CCDC3: variants seen among roughly 807,000 people sequenced by gnomAD.
CCDC3 encodes coiled-coil domain containing 3.
CCDC3 carries 24 observed loss-of-function variants against 21.4 expected under a neutral mutation model. That is an observed-to-expected ratio of 1.12 (90% confidence interval 0.81 to 1.58). CCDC3 has a LOEUF of 1.58. Among genes scored for constraint, CCDC3 ranks in the 40% most tolerant of loss-of-function variants. CCDC3 has a pLI of 0.00. For synonymous variants in CCDC3, 186 were observed against 166.0 expected (o/e 1.12, Z -0.93); for missense variants, 425 against 360.9 (o/e 1.18, Z -1.44).
At chr10:13,018,980 T>A (rs931188540) in intron 5 of CCDC3, among the ~76,000 whole-genome samples, 1 of 151,816 alleles carries the variant, frequency 6.6e-6, no homozygotes, top group African/African-American at 2.4e-5. Context: ...ACGCCTGTAA[T>A]CCCAGCACTT....
intron 2 of CCDC3, among the ~76,000 whole-genome samples, chr10:12,915,680 G>A (rs1757079): frequency 0.08 from 12,148 of 152,260 alleles, 612 homozygotes; most frequent in African/African-American, 0.12. Flanking sequence ...GGTCATGGGT[G>A]GGTTTGCTAC....
At position 13,001,274 on chromosome 10, in the gene CCDC3, G is replaced by A; in HGVS notation, c.297C>T (p.Leu99=). ...AGAAGTAGCCCAGGCCGGTGAGGTT[G>A]AGCCTGGAGCCGGCGGGCACCTCCA... ...SMLEVPAGSR[L]NLTGLGYFSC... Residue 99 remains leucine (L), a synonymous_variant, in exon 1 of 3, where the codon CTC becomes CTT. Transcript: ENST00000378825. The A allele has an allele frequency of 6.2e-7, 1 of 1,602,420 alleles. No individual in the cohort carries two copies. Among genetic ancestry groups the A allele is most frequent in the East Asian group, 2.3e-5 (1 of 44,400 alleles).
At chr10:13,007,632 T>C (rs746121214) in intron 5 of CCDC3, among the ~76,000 whole-genome samples, 11 of 152,128 alleles carry the variant, frequency 7.2e-5, no homozygotes, top group Non-Finnish European at 1.6e-4. Context: ...TACAATTGCC[T>C]TATAAAAGAC....
chr10:12,936,527 A>G (rs1367950471), intron 2 of CCDC3, among the ~76,000 whole-genome samples: 3 of 152,048 alleles, frequency 2.0e-5, no homozygotes, highest in Admixed American at 1.3e-4. Context: ...GTGCCCGGCC[A>G]CTTTCAATAT....
intron 5 of CCDC3, among the ~76,000 whole-genome samples, chr10:13,029,772 G>C (rs542416703): frequency 1.3e-5 from 2 of 152,108 alleles, no homozygotes; most frequent in East Asian, 3.9e-4. Context: ...CAAACGAAGC[G>C]AGAAGAGAAG....
At chr10:12,980,018 T>C (rs767134629) in intron 2 of CCDC3, among the ~76,000 whole-genome samples, 1 of 152,194 alleles carries the variant, frequency 6.6e-6, no homozygotes, top group African/African-American at 2.4e-5. Context: ...GTTGTAGCTA[T>C]GGGTATGTCC....
Position 13,020,480 on chromosome 10 carries a change from C to T in CCDC3, c.-1-21968G>A, listed in dbSNP as rs1281699019. 2.0e-5 allele frequency among the ~76,000 whole-genome samples: 3 copies of T among 152,160 alleles called. No individual in the cohort carries two copies. In the East Asian group the frequency reaches 5.8e-4, roughly 29 times the overall value. Reference sequence around the variant, plus strand: ...TTAAACATCGTTATAAGGGAATAAGCTTATTTTTTCTTTCATGCTCTAATG... The same window carrying T: ...TTAAACATCGTTATAAGGGAATAAGTTTATTTTTTCTTTCATGCTCTAATG... On this transcript the variant is annotated intron_variant, in intron 5 of 6. Coordinates refer to the CCDC3 transcript ENST00000378839.
chr10:12,968,293 G>A (rs1264279778), intron 2 of CCDC3, among the ~76,000 whole-genome samples: 2 of 151,712 alleles, frequency 1.3e-5, no homozygotes, highest in Middle Eastern at 3.2e-3. Context: ...AAGGCTAGTG[G>A]CAGATTTCTC....
At chr10:12,907,572 A>G (rs1240561827) in intron 2 of CCDC3, among the ~76,000 whole-genome samples, 2 of 152,170 alleles carry the variant, frequency 1.3e-5, no homozygotes, top group Admixed American at 1.3e-4. Flanking sequence ...TTGACCCGAG[A>G]GGAGGAGTTG....
Position 12,971,331 on chromosome 10 carries a change from AC to A in CCDC3, c.549+27006del, listed in dbSNP as rs1213626347. ...TCTATCCTTTCGGAAAGGAATGAGG[AC>A]ATTTGCTTGCCTTAACAGGTCCTGC... On this transcript the variant is annotated intron_variant, in intron 2 of 2. Coordinates refer to ENST00000378825, the MANE Select transcript of CCDC3 (RefSeq NM_031455.4). 2.6e-4 allele frequency among the ~76,000 whole-genome samples: 40 copies of A among 152,224 alleles called. 1 individual carries two copies. The highest frequency in any genetic ancestry group is 9.4e-4 in the African/African-American group (39 of 41,454).
At chr10:13,049,693 A>C (rs1034463423) in exon 5 of CCDC3, 2 of 152,216 alleles carry the variant, frequency 1.3e-5, no homozygotes, top group African/African-American at 4.8e-5. Context: ...GGAGTTTGGC[A>C]GCTGAAATGT....
intron 2 of CCDC3, among the ~76,000 whole-genome samples, chr10:12,912,901 G>A (rs796292834): frequency 3.2e-4 from 49 of 152,232 alleles, no homozygotes; most frequent in African/African-American, 2.6e-4. Context: ...CATCTCTGTC[G>A]AAAATCCATT....
intron 2 of CCDC3, among the ~76,000 whole-genome samples, chr10:12,966,079 A>G (rs997933164): frequency 3.3e-5 from 5 of 152,100 alleles, no homozygotes; most frequent in African/African-American, 9.7e-5. Context: ...GCCTCACTCT[A>G]TCACCGTCTG....
chr10:13,079,172 T>C (rs1424287532), intron 3 of CCDC3, among the ~76,000 whole-genome samples: 1 of 152,250 alleles, frequency 6.6e-6, no homozygotes, highest in African/African-American at 2.4e-5. Flanking sequence ...ACAAGCATTC[T>C]GTTTTTGAAT....
intron 4 of CCDC3, among the ~76,000 whole-genome samples, chr10:13,071,857 CT>C (rs976613544): frequency 6.6e-6 from 1 of 151,152 alleles, no homozygotes; most frequent in Admixed American, 6.6e-5. Flanking sequence ...CTTCTTTTTC[CT>C]TTTTTTTTCC....
At chr10:12,994,112 T>C (rs569883668) in intron 2 of CCDC3, among the ~76,000 whole-genome samples, 2 of 152,206 alleles carry the variant, frequency 1.3e-5, no homozygotes, top group South Asian at 2.1e-4. Context: ...CAACAGCATC[T>C]AGAGGTGGGG....
At chr10:13,034,762 C>T (rs139598657) in intron 5 of CCDC3, among the ~76,000 whole-genome samples, 3,990 of 152,178 alleles carry the variant, frequency 0.026, 86 homozygotes, top group South Asian at 0.074. Context: ...CGGTGGCTCA[C>T]GCCTGTAATC....
At chr10:13,090,297 G>A (rs970365661) in intron 3 of CCDC3, among the ~76,000 whole-genome samples, 1 of 151,836 alleles carries the variant, frequency 6.6e-6, no homozygotes, top group Non-Finnish European at 1.5e-5. Context: ...CACCATGTTG[G>A]CCAGATTGTC....
At chr10:13,048,793 G>C (rs1836565668) in intron 5 of CCDC3, among the ~76,000 whole-genome samples, 1 of 126,212 alleles carries the variant, frequency 7.9e-6, no homozygotes, top group Non-Finnish European at 1.7e-5. Flanking sequence ...TAGATGTAAA[G>C]TAAAAAATCC....
Sources: gnomAD v4.1 joint callset for allele counts (sites outside exome capture counted in the v4.1 genomes callset) on GRCh38, gnomAD v4.1.1 for gene constraint, MANE v1.5 for transcripts, NCBI Gene and HGNC (gene_info 2026-07-23, HGNC 2026-07-21) for gene names.